The following CORO2A variants were observed in gnomAD, a reference collection of about 807,000 sequenced individuals.
CORO2A encodes coronin-2A.
CORO2A carries 47 observed loss-of-function variants against 62.4 expected under a neutral mutation model. The ratio of observed to expected loss-of-function variants is 0.75; its 90% confidence interval spans 0.60 to 0.96. The LOEUF is 0.96. Ranked by LOEUF, CORO2A falls within the 40% of genes least tolerant of loss-of-function variation. The probability of loss-of-function intolerance (pLI) is 0.00; values close to 1 mark genes in which losing one functional copy is unlikely to be tolerated. For missense variants in CORO2A, 610 were observed against 684.1 expected (o/e 0.89, Z 1.21); for synonymous variants, 273 against 268.9 (o/e 1.02, Z -0.15).
At chr9:98,167,561 T>G (rs886767103) in intron 1 of CORO2A, among the ~76,000 whole-genome samples, 1 of 152,234 alleles carries the variant, frequency 6.6e-6, no homozygotes, top group Non-Finnish European at 1.5e-5. Flanking sequence ...GTCATTACAG[T>G]TCAGAAGAGA....
chr9:98,128,030 G>C, intron 10 of CORO2A, 140 bp downstream of exon 10: 1 of 654,044 alleles, frequency 1.5e-6, no homozygotes, highest in Non-Finnish European at 2.7e-6. Flanking sequence ...GCTACCCACT[G>C]GGGACTGAAG....
chr9:98,139,460 T>C (rs2118829528), intron 2 of CORO2A, among the ~76,000 whole-genome samples: 1 of 152,172 alleles, frequency 6.6e-6, no homozygotes, highest in South Asian at 2.1e-4. Context: ...AAACCCCACC[T>C]CTACTAAAAA....
chr9:98,184,697 G>T (rs1044660034), intron 1 of CORO2A, among the ~76,000 whole-genome samples: 1 of 152,076 alleles, frequency 6.6e-6, no homozygotes, highest in Non-Finnish European at 1.5e-5. Context: ...GGCTGCCTTC[G>T]GGGACCCCAC....
rs966306698 is a variant in CORO2A at position 98,169,309 on chromosome 9, C to T, written c.1-11649G>A. On this transcript the variant is annotated intron_variant, in intron 1 of 11. Transcript: ENST00000375077. ...CAAACCAAGACAAGGCCTCTTTCTTCCTGATGAGATTAGGCCTGAGGGAGT... is the reference window on the plus strand; with the variant it reads ...CAAACCAAGACAAGGCCTCTTTCTTTCTGATGAGATTAGGCCTGAGGGAGT... Among the ~76,000 whole-genome samples, 23 of 152,156 alleles carry T rather than the reference C, an allele frequency of 1.5e-4. No individual in the cohort carries two copies. The East Asian group carries it at 4.2e-3, about 28-fold the overall frequency.
chr9:98,160,957 G>A (rs1161390091), intron 1 of CORO2A, among the ~76,000 whole-genome samples: 1 of 152,222 alleles, frequency 6.6e-6, no homozygotes, highest in Admixed American at 6.5e-5. Flanking sequence ...TGAGAAGGGT[G>A]CATGTTTCAG....
intron 1 of CORO2A, among the ~76,000 whole-genome samples, chr9:98,160,725 C>T (rs544754716): frequency 5.9e-5 from 9 of 152,218 alleles, no homozygotes; most frequent in Admixed American, 2.6e-4. Context: ...CTGGGGGTGG[C>T]GGGAGTGCAC....
chr9:98,144,447 A>G (rs891208309), intron 2 of CORO2A, among the ~76,000 whole-genome samples: 1 of 152,090 alleles, frequency 6.6e-6, no homozygotes, highest in Non-Finnish European at 1.5e-5. Flanking sequence ...TCCTCACACC[A>G]TGGTTATCAT....
chr9:98,185,837 T>C (rs1468818766), intron 1 of CORO2A, among the ~76,000 whole-genome samples: 1 of 152,208 alleles, frequency 6.6e-6, no homozygotes, highest in Non-Finnish European at 1.5e-5. Flanking sequence ...GTGTCTGAGA[T>C]GGGGCTAGAA....
chr9:98,138,070 A>T (rs1827512756), intron 2 of CORO2A, among the ~76,000 whole-genome samples: 1 of 152,220 alleles, frequency 6.6e-6, no homozygotes, highest in Non-Finnish European at 1.5e-5. Context: ...TCAAAAGGTT[A>T]ACCGGTTCCC....
intron 1 of CORO2A, among the ~76,000 whole-genome samples, chr9:98,159,654 T>C (rs528618647): frequency 6.6e-6 from 1 of 151,542 alleles, no homozygotes; most frequent in Non-Finnish European, 1.5e-5. Context: ...CTCCAGAGAG[T>C]CCTCCTTGAT....
intron 7 of CORO2A, 58 bp from the exon 8 acceptor site, chr9:98,129,948 A>C: frequency 1.8e-4 from 243 of 1,333,230 alleles, no homozygotes; most frequent in Non-Finnish European, 2.4e-4. Context: ...TCATCAGCTC[A>C]TCAGCAACCC....
chr9:98,160,840 C>T (rs1827875030), intron 1 of CORO2A, among the ~76,000 whole-genome samples: 1 of 151,124 alleles, frequency 6.6e-6, no homozygotes, highest in Non-Finnish European at 1.5e-5. Flanking sequence ...CCTCCTATGA[C>T]CCGTTAGCCA....
intron 2 of CORO2A, among the ~76,000 whole-genome samples, chr9:98,138,798 C>T (rs1046844104): frequency 6.6e-6 from 1 of 152,036 alleles, no homozygotes; most frequent in African/African-American, 2.4e-5. Flanking sequence ...ACTGTAATCC[C>T]AGCACTTTGG....
chr9:98,161,109 CCCATCCTG>C (rs1282966650), intron 1 of CORO2A, among the ~76,000 whole-genome samples: 1 of 152,190 alleles, frequency 6.6e-6, no homozygotes, highest in East Asian at 1.9e-4. Context: ...AGGACAGCGA[CCCATCCTG>C]ATTCATACAG....
intron 1 of CORO2A, among the ~76,000 whole-genome samples, chr9:98,165,121 C>A (rs73498755): frequency 0.057 from 8,144 of 143,506 alleles, 244 homozygotes; most frequent in African/African-American, 0.088. Context: ...CATGTACCAC[C>A]GTGCTTGGCT....
chr9:98,183,996 T>C (rs1413555631), intron 1 of CORO2A, among the ~76,000 whole-genome samples: 1 of 152,180 alleles, frequency 6.6e-6, no homozygotes, highest in African/African-American at 2.4e-5. Flanking sequence ...ACTAGTTACA[T>C]AGCATTTACA....
At chr9:98,166,124 G>C (rs1588008813) in intron 1 of CORO2A, among the ~76,000 whole-genome samples, 1 of 152,310 alleles carries the variant, frequency 6.6e-6, no homozygotes, top group Middle Eastern at 3.4e-3. Context: ...CACAGAGTAT[G>C]GAGAAACATG....
At chr9:98,192,226 C>T (rs553907175) in intron 1 of CORO2A, among the ~76,000 whole-genome samples, 2 of 152,342 alleles carry the variant, frequency 1.3e-5, no homozygotes, top group Admixed American at 6.5e-5. Flanking sequence ...CCAGAGTGAG[C>T]TTCCCTCACC....
At chr9:98,162,066 TC>T (rs1291121134) in intron 1 of CORO2A, among the ~76,000 whole-genome samples, 2 of 152,192 alleles carry the variant, frequency 1.3e-5, no homozygotes, top group African/African-American at 4.8e-5. Flanking sequence ...CCAAATGCTT[TC>T]CATGCATGAA....
Sources: allele counts gnomAD v4.1 joint callset (sites outside exome capture counted in the v4.1 genomes callset), GRCh38; gene constraint gnomAD v4.1.1; transcripts MANE v1.5; gene names NCBI Gene and HGNC (gene_info 2026-07-23, HGNC 2026-07-21).